Variants in CD101 observed in about 807,000 individuals in gnomAD.
The protein encoded by CD101 is immunoglobulin superfamily member 2.
CD101 carries 76 observed loss-of-function variants against 98.2 expected under a neutral mutation model. The observed-to-expected ratio is 0.77, with a 90% confidence interval of 0.64 to 0.94. The LOEUF (loss-of-function observed/expected upper bound fraction) is 0.94, where lower values mean the gene tolerates loss of function less well. CD101 is among the 40% of genes least tolerant of loss of function. The pLI, the probability that CD101 is intolerant of heterozygous loss-of-function variation, is 0.00. For missense variants in CD101, 1,145 were observed against 1,218.8 expected, an observed-to-expected ratio of 0.94 and a Z score of 0.90; for synonymous variants, 471 against 472.7, an observed-to-expected ratio of 1.00 and a Z score of 0.05.
chr1:117,011,564 C>G lies in CD101; in HGVS notation c.439C>G (p.Leu147Val). ...TTTGTTTCCAGTTATTCCAGATACCCTCTCTGCCACCATGAGTTCTCAGAC... is the reference window on the plus strand; with the variant it reads ...TTTGTTTCCAGTTATTCCAGATACCGTCTCTGCCACCATGAGTTCTCAGAC... ...KTNLIVIPDT[L>V]SATMSSQTLG... Residue 147 changes from leucine (L) to valine (V), a missense_variant, in exon 3 of 10, where the codon CTC becomes GTC. Coordinates refer to ENST00000682167, the MANE Select transcript of CD101 (RefSeq NM_001256106.3). The G allele has an allele frequency of 6.2e-7, 1 of 1,612,940 alleles. No homozygotes were observed. The highest frequency in any genetic ancestry group is 8.5e-7 in the Non-Finnish European group (1 of 1,179,476).
Position 117,033,746 on chromosome 1 carries a change from C to T in CD101, c.2825-114C>T. 1.4e-6 allele frequency: 2 copies of T among 1,401,700 alleles called. No individual in the cohort carries two copies. The highest frequency in any genetic ancestry group is 1.3e-5 in the South Asian group (1 of 75,178). The allele number at this position is 1,401,700 out of a possible 1,614,324, so 86.8% of individuals were successfully genotyped here. On this transcript the variant is annotated intron_variant, in intron 8 of 9. Transcript: ENST00000682167. The surrounding 1 kb of genome is among the most constrained non-coding windows in gnomAD (Gnocchi z 4.8). ...ATTTCAGGGGCCCACTGCTATTTGG[C>T]CCCATTATTTTTACATATACTTGCC...
intron 1 of CD101, 71 bp downstream of exon 1, chr1:117,001,931 C>G: frequency 6.8e-7 from 1 of 1,462,214 alleles, no homozygotes; most frequent in South Asian, 1.1e-5. Flanking sequence ...AGTGATGGAA[C>G]AGGACAATTT....
Position 117,012,352 on chromosome 1 carries a change from A to G in CD101, c.841+386A>G, listed in dbSNP as rs1652939968. Among the ~76,000 whole-genome samples, 1 of 152,204 alleles carries G rather than the reference A, an allele frequency of 6.6e-6. No individual in the cohort carries two copies. Among genetic ancestry groups the G allele is most frequent in the Admixed American group, 6.5e-5 (1 of 15,288 alleles). On this transcript the variant is annotated intron_variant, in intron 3 of 9. Transcript: ENST00000682167. The surrounding 1 kb of genome is among the most constrained non-coding windows in gnomAD (Gnocchi z 4.0). ...AAAATGAGGACTCTGAACTTCAGACATGCTAGATGCGCTGCCTAAGCCCAC... is the reference window on the plus strand; with the variant it reads ...AAAATGAGGACTCTGAACTTCAGACGTGCTAGATGCGCTGCCTAAGCCCAC...
chr1:117,029,191 GAA>G (rs1222413284), intron 8 of CD101, among the ~76,000 whole-genome samples: 4 of 83,962 alleles, frequency 4.8e-5, no homozygotes, highest in Non-Finnish European at 9.1e-5. Context: ...AAGAAAGAAA[GAA>G]AGAAAGAAAG....
intron 4 of CD101, among the ~76,000 whole-genome samples, chr1:117,014,810 G>A (rs1253430033): frequency 6.6e-6 from 1 of 152,178 alleles, no homozygotes. Flanking sequence ...CCATTTACTA[G>A]GAATGAAGAT....
At chr1:117,014,034 A>C (rs561237632) in intron 4 of CD101, among the ~76,000 whole-genome samples, 141 of 152,296 alleles carry the variant, frequency 9.3e-4, no homozygotes, top group Non-Finnish European at 1.6e-3. Flanking sequence ...TCTAAGTCTC[A>C]GCTCCTTCAT....
chr1:117,027,614 G>C lies in CD101; in HGVS notation c.2824+1710G>C, dbSNP rs369982854. 8.3e-4 allele frequency among the ~76,000 whole-genome samples: 127 copies of C among 152,350 alleles called. 3 individuals are homozygous for C. In the South Asian group the frequency reaches 0.025, roughly 31 times the overall value. ...CAGGAACTGCAGTCTCTATGGTACA[G>C]TGGCAAGAGATGAGACCAGTGAGGA... On this transcript the variant is annotated intron_variant, in intron 8 of 9. Transcript: ENST00000682167.
intron 2 of CD101, among the ~76,000 whole-genome samples, chr1:117,011,095 G>A (rs1373485176): frequency 1.3e-5 from 2 of 152,140 alleles, no homozygotes; most frequent in Non-Finnish European, 2.9e-5. Flanking sequence ...GGCTCTAAAT[G>A]ATACATTTTA....
In CD101 at chr1:117,013,658, T is replaced by C; in HGVS notation, c.1094T>C (p.Phe365Ser). Residue 365 changes from phenylalanine to serine, a missense_variant, in exon 4 of 10, where the codon TTC (phenylalanine) becomes TCC (serine). Coordinates refer to ENST00000682167, the MANE Select transcript of CD101 (RefSeq NM_001256106.3). Reference protein sequence around the residue: ...LGPKAFSLKIFSLGPEDEGAY... With the variant: ...LGPKAFSLKISSLGPEDEGAY... ...CCCAAGGCTTTCTCTCTCAAGATCT[T>C]CTCTCTGGGCCCAGAGGATGAAGGC... 1 of 1,614,070 alleles carries C rather than the reference T, an allele frequency of 6.2e-7. No individual in the cohort carries two copies. The highest frequency in any genetic ancestry group is 1.1e-5 in the South Asian group (1 of 91,078).
intron 4 of CD101, among the ~76,000 whole-genome samples, chr1:117,014,056 T>C (rs1051635296): frequency 3.3e-5 from 5 of 152,190 alleles, no homozygotes; most frequent in Non-Finnish European, 7.3e-5. Context: ...TGTAAAATGA[T>C]GGCACACAAC....
rs1289618906 is a variant in CD101 at position 117,021,150 on chromosome 1, A to G, written c.2018-423A>G. Among the ~76,000 whole-genome samples the G allele has an allele frequency of 6.6e-6, 1 of 152,240 alleles. No homozygotes were observed. Among genetic ancestry groups the G allele is most frequent in the Non-Finnish European group, 1.5e-5 (1 of 68,042 alleles). The stretch of plus-strand genomic sequence containing the variant: ...GTAAACACACAAACACAGCATTAAT[A>G]GGGCCACTTTCTCCCAATCTGATAC... On this transcript the variant is annotated intron_variant, in intron 6 of 9. Transcript: ENST00000682167. The surrounding 1 kb of genome is among the most constrained non-coding windows in gnomAD (Gnocchi z 4.7).
chr1:117,011,798 A>G lies in CD101; in HGVS notation c.673A>G (p.Asn225Asp). ...GTTTGCAGCCAGTGACGTACAGCTC[A>G]ACAAACTGGGACCCACTACATTCAG... is the stretch of plus-strand genomic sequence containing the variant. The part of the protein sequence containing the change: ...ERFAASDVQL[N>D]KLGPTTFRLS... The change falls in exon 3 of 10, where the codon AAC becomes GAC. Residue 225 changes from asparagine to aspartate, a missense_variant. Transcript: ENST00000682167. 6.2e-7 allele frequency: 1 copy of G among 1,614,126 alleles called. No homozygotes were observed. Among genetic ancestry groups the G allele is most frequent in the South Asian group, 1.1e-5 (1 of 91,076 alleles).
Position 117,001,932 on chromosome 1 carries a change from A to G in CD101, c.43+72A>G, listed in dbSNP as rs1010899566. 41 of 1,455,874 alleles carry G rather than the reference A, an allele frequency of 2.8e-5. No homozygotes were observed. The Admixed American group carries it at 5.6e-4, about 20-fold the overall frequency. 90.2% of individuals were successfully genotyped at this position (1,455,874 alleles called of 1,614,324 possible). On this transcript the variant is annotated intron_variant, in intron 1 of 9. Coordinates refer to ENST00000682167, the MANE Select transcript of CD101 (RefSeq NM_001256106.3). Reference sequence around the variant, plus strand: ...AACTCAGGGTGCTGAGTGATGGAACAGGACAATTTGGTCTCTACAGGAACA... The same window carrying G: ...AACTCAGGGTGCTGAGTGATGGAACGGGACAATTTGGTCTCTACAGGAACA...
chr1:117,035,539 G>C (rs1654757305), intron 9 of CD101, among the ~76,000 whole-genome samples: 1 of 150,638 alleles, frequency 6.6e-6, no homozygotes, highest in Non-Finnish European at 1.5e-5. Context: ...CAACAAAGCT[G>C]AAATGAAGAC....
Position 117,013,793 on chromosome 1 carries a change from G to C in CD101, c.1228+1G>C, listed in dbSNP as rs1653040894. On this transcript the variant is annotated splice_donor_variant, in intron 4 of 9. Transcript: ENST00000682167. LOFTEE classifies it high-confidence loss of function. ...CACGTGCACCTGAGGAAGCCAGCAG[G>C]TACGTAAAGTCAAGGCCAGGCATGC... The C allele has an allele frequency of 8.1e-6, 13 of 1,606,824 alleles. No homozygotes were observed. Among genetic ancestry groups the C allele is most frequent in the African/African-American group, 1.3e-5 (1 of 74,624 alleles).
chr1:117,029,243 AAGAAAGAAAGAAAG>A (rs1428889074), intron 8 of CD101, among the ~76,000 whole-genome samples: 4 of 147,406 alleles, frequency 2.7e-5, no homozygotes, highest in Admixed American at 1.3e-4. Flanking sequence ...GAAAGAAAGA[AAGAAAGAAAGAAAG>A]AAAGAAAGAA....
chr1:117,004,101 TC>T lies in CD101; in HGVS notation c.43+2246del. Among the ~76,000 whole-genome samples, 1 of 152,128 alleles carries T rather than the reference TC, an allele frequency of 6.6e-6. No homozygotes were observed. The highest frequency in any genetic ancestry group is 1.9e-4 in the East Asian group (1 of 5,182). On this transcript the variant is annotated intron_variant, in intron 1 of 9. Transcript: ENST00000682167. The surrounding 1 kb of genome is among the most constrained non-coding windows in gnomAD (Gnocchi z 4.1). ...GTTAGCTTTGTCTGCTTGATCTATT[TC>T]CCCCACCCAAACTAGCTGCCCTACA...
At position 117,025,520 on chromosome 1, in the gene CD101, C is replaced by T. The variant is rs371042116; in HGVS notation, c.2440C>T (p.Arg814Cys). 4.2e-5 allele frequency: 66 copies of T among 1,554,126 alleles called. No homozygotes were observed. Among genetic ancestry groups the T allele is most frequent in the African/African-American group, 6.8e-5 (5 of 73,180 alleles). ...ATTTTATTTTCTAGGAAGTAAGGTA[C>T]GTGTCTCCAAAGTGTACTGGACCGA... is the stretch of plus-strand genomic sequence containing the variant. Reference protein sequence around the residue: ...LKLKPTGSKVRVSKVYWTENV... With the variant: ...LKLKPTGSKVCVSKVYWTENV... Residue 814 changes from arginine (R) to cysteine (C), a missense_variant, in exon 8 of 10, where the codon CGT (arginine) becomes TGT (cysteine). Transcript: ENST00000682167.
In CD101 at chr1:117,006,166, G is replaced by A. The variant is rs1246034616; in HGVS notation, c.44-3684G>A. ...CAGCCTTATCAAACCTATGATCTTTGATTTCTTCCTACCTCTCATCTCGCC... is the reference window on the plus strand; with the variant it reads ...CAGCCTTATCAAACCTATGATCTTTAATTTCTTCCTACCTCTCATCTCGCC... On this transcript the variant is annotated intron_variant, in intron 1 of 9. Coordinates refer to ENST00000682167, the MANE Select transcript of CD101 (RefSeq NM_001256106.3). The surrounding 1 kb of genome is among the most constrained non-coding windows in gnomAD (Gnocchi z 4.4). Among the ~76,000 whole-genome samples the A allele has an allele frequency of 6.6e-6, 1 of 151,638 alleles. No homozygotes were observed. The highest frequency in any genetic ancestry group is 2.4e-5 in the African/African-American group (1 of 41,304).
Sources: allele counts gnomAD v4.1 joint callset (sites outside exome capture counted in the v4.1 genomes callset), GRCh38; gene constraint gnomAD v4.1.1; non-coding constraint Gnocchi (gnomAD v3.1); transcripts MANE v1.5; gene names NCBI Gene and HGNC (gene_info 2026-07-23, HGNC 2026-07-21).